The following METTL15 variants were observed in gnomAD, a reference collection of about 807,000 sequenced individuals.
METTL15 encodes the protein methyltransferase 15, mitochondrial 12S rRNA N4-cytidine.
In METTL15, 34 loss-of-function variants were observed where a neutral mutation model predicts 38.3. The observed-to-expected ratio is 0.89, with a 90% confidence interval of 0.68 to 1.18. The LOEUF is 1.18. Ranked by LOEUF, METTL15 falls within the 50% of genes most tolerant of loss-of-function variation. The pLI, the probability that METTL15 is intolerant of heterozygous loss-of-function variation, is 0.00. For missense variants in METTL15, 438 were observed against 498.4 expected (o/e 0.88, Z 1.15); for synonymous variants, 162 against 170.9 (o/e 0.95, Z 0.41).
intron 4 of METTL15, among the ~76,000 whole-genome samples, chr11:28,355,511 T>A (rs755540326): frequency 6.6e-6 from 1 of 152,192 alleles, no homozygotes; most frequent in Non-Finnish European, 1.5e-5. Context: ...GCCGTGCGTA[T>A]CCATGAATTC....
chr11:28,296,005 T>C (rs1294298814), intron 5 of METTL15, among the ~76,000 whole-genome samples: 3 of 152,112 alleles, frequency 2.0e-5, no homozygotes. Flanking sequence ...ACAGGAATGG[T>C]CTGACAGAGT....
chr11:28,317,943 C>T (rs1857537637), intron 6 of METTL15, among the ~76,000 whole-genome samples: 2 of 152,114 alleles, frequency 1.3e-5, no homozygotes, highest in African/African-American at 4.8e-5. Flanking sequence ...AAACTAAATA[C>T]ATACAGAAGT....
At chr11:28,220,744 T>A (rs1020385594) in intron 4 of METTL15, among the ~76,000 whole-genome samples, 1 of 152,214 alleles carries the variant, frequency 6.6e-6, no homozygotes, top group Admixed American at 6.5e-5. Context: ...GGAGCTCTTG[T>A]AGGGCAGGGC....
intron 3 of METTL15, among the ~76,000 whole-genome samples, chr11:28,346,870 G>A (rs982320222): frequency 6.6e-6 from 1 of 152,110 alleles, no homozygotes; most frequent in Non-Finnish European, 1.5e-5. Context: ...AGCCTCCACA[G>A]GTGCACCAAA....
intron 6 of METTL15, among the ~76,000 whole-genome samples, chr11:28,303,990 A>T (rs1462052546): frequency 6.6e-6 from 1 of 152,166 alleles, no homozygotes; most frequent in Admixed American, 6.6e-5. Context: ...TCATCTGGAA[A>T]ATAGGAATAA....
intron 6 of METTL15, among the ~76,000 whole-genome samples, chr11:28,479,944 T>G (rs1456551787): frequency 6.6e-6 from 1 of 152,220 alleles, no homozygotes; most frequent in Non-Finnish European, 1.5e-5. Context: ...ATCTTCACCT[T>G]ATCTATTGTT....
chr11:28,435,901 T>C (rs977092480), intron 6 of METTL15, among the ~76,000 whole-genome samples: 1 of 152,232 alleles, frequency 6.6e-6, no homozygotes, highest in Non-Finnish European at 1.5e-5. Flanking sequence ...GAGAGTTATA[T>C]TGCTCCCTTG....
At chr11:28,436,458 T>G (rs986129161) in intron 6 of METTL15, among the ~76,000 whole-genome samples, 2 of 152,208 alleles carry the variant, frequency 1.3e-5, no homozygotes, top group Non-Finnish European at 2.9e-5. Flanking sequence ...GCATCAGTGT[T>G]CCATGCATCC....
At chr11:28,273,306 T>C (rs767899608) in intron 4 of METTL15, among the ~76,000 whole-genome samples, 1 of 152,158 alleles carries the variant, frequency 6.6e-6, no homozygotes, top group Non-Finnish European at 1.5e-5. Context: ...ACATAATTTA[T>C]TCTTTTGATT....
At chr11:28,529,572 A>G (rs1851832842), downstream of METTL15, among the ~76,000 whole-genome samples, 2 of 122,700 alleles carry the variant, frequency 1.6e-5, no homozygotes, top group Admixed American at 2.2e-4. Context: ...TGAGGAATAC[A>G]CTTGTCCAGA....
At chr11:28,130,558 A>C (rs1322730202) in intron 3 of METTL15, among the ~76,000 whole-genome samples, 1 of 152,170 alleles carries the variant, frequency 6.6e-6, no homozygotes, top group Non-Finnish European at 1.5e-5. Flanking sequence ...GAATATTTCA[A>C]ATTTCAGTTA....
At chr11:28,379,328 T>G (rs912396036) in intron 5 of METTL15, among the ~76,000 whole-genome samples, 1 of 152,148 alleles carries the variant, frequency 6.6e-6, no homozygotes, top group African/African-American at 2.4e-5. Context: ...TTCTGCTTTT[T>G]TGATATAGGT....
intron 3 of METTL15, among the ~76,000 whole-genome samples, chr11:28,198,753 CT>C (rs1407733984): frequency 5.3e-5 from 8 of 152,074 alleles, no homozygotes; most frequent in Non-Finnish European, 7.4e-5. Flanking sequence ...TGTTAGCTAA[CT>C]ATAAGGTTGG....
chr11:28,522,043 G>T (rs1851769267), intron 6 of METTL15, among the ~76,000 whole-genome samples: 1 of 152,176 alleles, frequency 6.6e-6, no homozygotes, highest in Non-Finnish European at 1.5e-5. Flanking sequence ...ATGAGGTAGT[G>T]AAATGAATGC....
chr11:28,485,622 G>A (rs1437853033), intron 6 of METTL15, among the ~76,000 whole-genome samples: 1 of 152,120 alleles, frequency 6.6e-6, no homozygotes, highest in African/African-American at 2.4e-5. Context: ...GGAGAGAGTA[G>A]AGAGTAGAAA....
At chr11:28,408,436 C>T (rs935207358) in intron 5 of METTL15, among the ~76,000 whole-genome samples, 1 of 152,156 alleles carries the variant, frequency 6.6e-6, no homozygotes, top group African/African-American at 2.4e-5. Flanking sequence ...GATGTCCTGT[C>T]AGGTTAACTC....
chr11:28,252,028 G>C (rs1247799799), intron 4 of METTL15, among the ~76,000 whole-genome samples: 1 of 152,000 alleles, frequency 6.6e-6, no homozygotes, highest in Admixed American at 6.6e-5. Flanking sequence ...TGTACTGGCT[G>C]GCCTAACTTC....
chr11:28,245,519 C>T (rs554955063), intron 4 of METTL15, among the ~76,000 whole-genome samples: 9 of 152,028 alleles, frequency 5.9e-5, no homozygotes, highest in African/African-American at 1.4e-4. Context: ...TGAAAATCAA[C>T]GTAGAACAGT....
intron 6 of METTL15, among the ~76,000 whole-genome samples, chr11:28,510,037 A>G (rs1590399010): frequency 6.6e-6 from 1 of 152,154 alleles, no homozygotes; most frequent in East Asian, 1.9e-4. Flanking sequence ...AACATGTTTC[A>G]TTAGCTCCGA....
Sources: gnomAD v4.1 joint callset for allele counts (sites outside exome capture counted in the v4.1 genomes callset) on GRCh38, gnomAD v4.1.1 for gene constraint, MANE v1.5 for transcripts, NCBI Gene and HGNC (gene_info 2026-07-23, HGNC 2026-07-21) for gene names.